Variants in CACNB2 observed in about 807,000 individuals in gnomAD.
The protein encoded by CACNB2 is calcium voltage-gated channel auxiliary subunit beta 2, also known as voltage-dependent L-type calcium channel subunit beta-2.
In CACNB2, 42 loss-of-function variants were observed where a neutral mutation model predicts 73.3. The observed-to-expected ratio is 0.57, with a 90% CI of 0.45 to 0.74. The LOEUF (loss-of-function observed/expected upper bound fraction) is 0.74. CACNB2 is among the 30% of genes least tolerant of loss of function. The pLI, the probability that CACNB2 is intolerant of heterozygous loss-of-function variation, is 0.00. For synonymous variants in CACNB2, 348 were observed against 310.3 expected (o/e 1.12, Z -1.28); for missense variants, 940 against 853.0 (o/e 1.10, Z -1.27).
At chr10:18,473,187 T>C (rs2048278538) in intron 3 of CACNB2, among the ~76,000 whole-genome samples, 1 of 152,212 alleles carries the variant, frequency 6.6e-6, no homozygotes, top group South Asian at 2.1e-4. Context: ...TGAAATACTT[T>C]TCAGGTGGGG....
intron 3 of CACNB2, among the ~76,000 whole-genome samples, chr10:18,470,092 ATATATAT>A (rs1214513014): frequency 6.6e-6 from 1 of 151,882 alleles, no homozygotes; most frequent in African/African-American, 2.4e-5. Context: ...TAGGAATTGA[ATATATAT>A]TATATATTTA....
At chr10:18,275,292 A>G (rs1198370564) in intron 2 of CACNB2, among the ~76,000 whole-genome samples, 1 of 152,194 alleles carries the variant, frequency 6.6e-6, no homozygotes, top group Non-Finnish European at 1.5e-5. Flanking sequence ...TGCCATCTAA[A>G]TACTAGCTTT....
intron 2 of CACNB2, among the ~76,000 whole-genome samples, chr10:18,172,953 C>G (rs1226272064): frequency 1.2e-5 from 1 of 82,034 alleles, no homozygotes; most frequent in Non-Finnish European, 2.4e-5. Flanking sequence ...TGGAGTTTTA[C>G]TCTGACACCC....
At chr10:18,185,712 G>T (rs2034116243) in intron 2 of CACNB2, among the ~76,000 whole-genome samples, 1 of 152,188 alleles carries the variant, frequency 6.6e-6, no homozygotes, top group Non-Finnish European at 1.5e-5. Context: ...GAAATAGGGT[G>T]TGTGAGTGGG....
At chr10:18,151,091 T>A (rs369822397) in intron 2 of CACNB2, 116 bp downstream of exon 2, 8 of 765,554 alleles carry the variant, frequency 1.0e-5, no homozygotes, top group Non-Finnish European at 1.6e-5. Context: ...TTACTTTTAA[T>A]TGAAGTGAAG....
chr10:18,525,632 C>T (rs890465819), intron 9 of CACNB2, among the ~76,000 whole-genome samples: 16 of 152,032 alleles, frequency 1.1e-4, no homozygotes, highest in South Asian at 4.2e-4. Context: ...TATTTCAACC[C>T]GTGTGCCGGA....
intron 2 of CACNB2, chr10:18,400,865 A>T: frequency 3.3e-6 from 5 of 1,505,132 alleles, no homozygotes; most frequent in Non-Finnish European, 4.4e-6. Context: ...CCTGGATGGG[A>T]GTCCTCTGGG....
At chr10:18,170,502 G>A (rs993702870) in intron 2 of CACNB2, among the ~76,000 whole-genome samples, 17 of 152,140 alleles carry the variant, frequency 1.1e-4, no homozygotes, top group East Asian at 3.9e-4. Context: ...GGGAATATAC[G>A]TGTAAATATA....
Position 18,160,168 on chromosome 10 carries a change from T to C in CACNB2, c.213+9193T>C, listed in dbSNP as rs543432437. Among the ~76,000 whole-genome samples the C allele has an allele frequency of 1.3e-3, 179 of 139,966 alleles. 2 individuals carry two copies. The highest frequency in any genetic ancestry group is 3.8e-4 in the Non-Finnish European group (24 of 62,850). 91.8% of individuals were successfully genotyped at this position (139,966 alleles called of 152,430 possible). On this transcript the variant is annotated intron_variant, in intron 2 of 13. Coordinates refer to ENST00000324631, the MANE Select transcript of CACNB2 (RefSeq NM_201596.3). Reference sequence around the variant, plus strand: ...TAATTTTAACATGTCTCGTTGAACATAATTTTGGGGAGAACAAGGGTTTGA... The same window carrying C: ...TAATTTTAACATGTCTCGTTGAACACAATTTTGGGGAGAACAAGGGTTTGA...
At chr10:18,464,390 C>A (rs961065486) in intron 3 of CACNB2, among the ~76,000 whole-genome samples, 1 of 101,532 alleles carries the variant, frequency 9.8e-6, no homozygotes, top group Non-Finnish European at 2.0e-5. Flanking sequence ...CCAGCCCGGG[C>A]AACAGAGTGA....
chr10:18,445,227 G>A (rs1446630125), intron 3 of CACNB2, among the ~76,000 whole-genome samples: 4 of 152,188 alleles, frequency 2.6e-5, no homozygotes, highest in Admixed American at 2.0e-4. Context: ...TCTCAGGAAC[G>A]AGAGGGGAAA....
chr10:18,419,555 G>A (rs752796566), intron 3 of CACNB2, among the ~76,000 whole-genome samples: 14 of 152,170 alleles, frequency 9.2e-5, no homozygotes, highest in Admixed American at 3.9e-4. Flanking sequence ...TGGTAGTTGA[G>A]TCAGGACCCT....
At chr10:18,266,219 A>C (rs1240601249) in intron 2 of CACNB2, among the ~76,000 whole-genome samples, 1 of 152,174 alleles carries the variant, frequency 6.6e-6, no homozygotes, top group Non-Finnish European at 1.5e-5. Flanking sequence ...TGATGTCTTC[A>C]TTTTATAGAT....
chr10:18,445,551 C>T (rs2046690703), intron 3 of CACNB2, among the ~76,000 whole-genome samples: 1 of 152,096 alleles, frequency 6.6e-6, no homozygotes, highest in Non-Finnish European at 1.5e-5. Context: ...ATTCAGGTTA[C>T]TTCTAGAGCT....
At position 18,214,747 on chromosome 10, in the gene CACNB2, T is replaced by A. The variant is rs564025892; in HGVS notation, c.213+63772T>A. 3.3e-5 allele frequency among the ~76,000 whole-genome samples: 5 copies of A among 152,060 alleles called. No individual in the cohort carries two copies. In the East Asian group the frequency reaches 9.7e-4, roughly 29 times the overall value. On this transcript the variant is annotated intron_variant, in intron 2 of 13. Transcript: ENST00000324631. ...ATTTGTAACTCCTTTAATTGTAGGA[T>A]CCTGGTGAGAGTTTGGGGCCGTTGA...
At position 18,302,058 on chromosome 10, in the gene CACNB2, GGAGGAAAA is replaced by G. The variant is rs148703014; in HGVS notation, c.214-99864_214-99857del. On this transcript the variant is annotated intron_variant, in intron 2 of 13. Coordinates refer to ENST00000324631, the MANE Select transcript of CACNB2 (RefSeq NM_201596.3). ...GTAAACATAGCCTTAAGAAAGACTA[GGAGGAAAA>G]GTCTTACCAAGCAGAATGAAGAAAT... 3.4e-3 allele frequency among the ~76,000 whole-genome samples: 513 copies of G among 152,172 alleles called. 8 individuals are homozygous for G. The East Asian group carries it at 0.041, about 12-fold the overall frequency.
rs547357272 is a variant in CACNB2 at position 18,542,418 on chromosome 10, T to C, written c.*2694T>C. 39 of 152,322 alleles carry C rather than the reference T, an allele frequency of 2.6e-4. No homozygotes were observed. Among genetic ancestry groups the C allele is most frequent in the African/African-American group, 9.1e-4 (38 of 41,574 alleles). 9.4% of individuals were successfully genotyped at this position (152,322 alleles called of 1,614,324 possible). On this transcript the variant is annotated 3_prime_UTR_variant, in exon 14 of 14. Coordinates refer to ENST00000324631, the MANE Select transcript of CACNB2 (RefSeq NM_201596.3). ...ATAAAACTTTTGTCATGGTAAGAGA[T>C]TCACAATTATTAGTTCAATCCTTTA...
intron 2 of CACNB2, among the ~76,000 whole-genome samples, chr10:18,269,588 C>T (rs573435684): frequency 5.9e-5 from 9 of 152,286 alleles, no homozygotes; most frequent in African/African-American, 2.2e-4. Flanking sequence ...AACTTTTCTG[C>T]ACATACGCTG....
chr10:18,428,459 G>C (rs1267403988), intron 3 of CACNB2, among the ~76,000 whole-genome samples: 2 of 152,256 alleles, frequency 1.3e-5, no homozygotes, highest in East Asian at 3.9e-4. Context: ...GGCCAAGGCG[G>C]GCAGATCACT....
Sources: allele counts gnomAD v4.1 joint callset (sites outside exome capture counted in the v4.1 genomes callset), GRCh38; gene constraint gnomAD v4.1.1; transcripts MANE v1.5; gene names NCBI Gene and HGNC (gene_info 2026-07-23, HGNC 2026-07-21).